The following NKAIN2 variants were observed in gnomAD, a reference collection of about 807,000 sequenced individuals.
NKAIN2 encodes the protein sodium/potassium transporting ATPase interacting 2, also known as sodium/potassium-transporting ATPase subunit beta-1-interacting protein 2.
NKAIN2 carries 14 observed loss-of-function variants against 32.6 expected under a neutral mutation model. The observed-to-expected ratio is 0.43, with a 90% CI of 0.28 to 0.67. The LOEUF (loss-of-function observed/expected upper bound fraction) is 0.67. Ranked by LOEUF, NKAIN2 falls within the 30% of genes least tolerant of loss-of-function variation. NKAIN2 has a pLI of 0.17. For missense variants in NKAIN2, 198 were observed against 258.3 expected, an observed-to-expected ratio of 0.77 and a Z score of 1.60; for synonymous variants, 80 against 87.2, an observed-to-expected ratio of 0.92 and a Z score of 0.46.
At chr6:124,123,900 GAAATCTAAGACTCGACTTTGGTT>G (rs1312796176) in intron 1 of NKAIN2, among the ~76,000 whole-genome samples, 1 of 152,086 alleles carries the variant, frequency 6.6e-6, no homozygotes, top group Admixed American at 6.6e-5. Context: ...GAGAGAGAGA[GAAATCTAAGACTCGACTTTGGTT>G]AATTGGATTG....
intron 1 of NKAIN2, among the ~76,000 whole-genome samples, chr6:124,116,127 T>C (rs1360014301): frequency 6.6e-6 from 1 of 152,102 alleles, no homozygotes; most frequent in African/African-American, 2.4e-5. Flanking sequence ...TATCAGTTTT[T>C]CAGATAAAAC....
chr6:124,454,412 A>C (rs2114630619), intron 3 of NKAIN2, among the ~76,000 whole-genome samples: 1 of 152,196 alleles, frequency 6.6e-6, no homozygotes, highest in Admixed American at 6.6e-5. Context: ...TGCAACTACT[A>C]AATTTTCCTG....
intron 1 of NKAIN2, among the ~76,000 whole-genome samples, chr6:124,033,540 AG>A (rs1289327392): frequency 6.6e-6 from 1 of 152,170 alleles, no homozygotes; most frequent in African/African-American, 2.4e-5. Flanking sequence ...AAATAATGTG[AG>A]AATTTTTTTG....
chr6:124,727,705 C>A (rs1562349104), intron 4 of NKAIN2, among the ~76,000 whole-genome samples: 1 of 149,260 alleles, frequency 6.7e-6, no homozygotes, highest in East Asian at 2.0e-4. Flanking sequence ...TCACACATAA[C>A]AATATTAACT....
rs112592389 is a variant in NKAIN2, at chr6:124,701,151, A to ACG, written c.474+42767_474+42768dup. Among the ~76,000 whole-genome samples, 316 of 115,826 alleles carry ACG rather than the reference A, an allele frequency of 2.7e-3. 1 individual carries two copies. Among genetic ancestry groups the ACG allele is most frequent in the Non-Finnish European group, 3.4e-3 (190 of 55,504 alleles). 76.0% of individuals were successfully genotyped at this position (115,826 alleles called of 152,430 possible). On this transcript the variant is annotated intron_variant, in intron 4 of 6. Transcript: ENST00000368417. ...TAAGGAGAGAGATACACACACACAC[A>ACG]CGCACACACACACACACACACACAC... is the stretch of plus-strand genomic sequence containing the variant.
At chr6:124,422,574 G>T (rs2114537653) in intron 3 of NKAIN2, among the ~76,000 whole-genome samples, 1 of 151,810 alleles carries the variant, frequency 6.6e-6, no homozygotes, top group South Asian at 2.1e-4. Flanking sequence ...ACTCAAATTT[G>T]GCTTAATAGA....
rs770126946 is a variant in NKAIN2, at chr6:123,804,153, C to T, written c.-48C>T. On this transcript the variant is annotated 5_prime_UTR_variant, in exon 1 of 7. In the 5' UTR this introduces an upstream ATG that the reference lacks. Transcript: ENST00000368417. ...CTGATTGGATAAAGTGGGGGCTCGACGGTGGCCGACGTGGGACAGTCTGGC... is the reference window on the plus strand; with the variant it reads ...CTGATTGGATAAAGTGGGGGCTCGATGGTGGCCGACGTGGGACAGTCTGGC... The T allele has an allele frequency of 1.3e-5, 20 of 1,565,232 alleles. No homozygotes were observed. Among genetic ancestry groups the T allele is most frequent in the Non-Finnish European group, 1.8e-5 (20 of 1,135,844 alleles).
chr6:123,895,203 A>G (rs946161976), intron 1 of NKAIN2, among the ~76,000 whole-genome samples: 1 of 151,648 alleles, frequency 6.6e-6, no homozygotes, highest in Non-Finnish European at 1.5e-5. Context: ...ACACAGACAC[A>G]CACACACACA....
At chr6:123,827,094 C>T (rs1195242270) in intron 1 of NKAIN2, among the ~76,000 whole-genome samples, 1 of 151,960 alleles carries the variant, frequency 6.6e-6, no homozygotes, top group African/African-American at 2.4e-5. Context: ...TAATGTTTAG[C>T]GATGTTGAAT....
intron 1 of NKAIN2, among the ~76,000 whole-genome samples, chr6:123,984,688 T>C (rs1176782316): frequency 2.0e-5 from 3 of 152,188 alleles, no homozygotes; most frequent in African/African-American, 7.2e-5. Context: ...CGTTTAGTTA[T>C]CTTTTATCAA....
At chr6:124,647,060 A>C (rs547089992) in intron 3 of NKAIN2, among the ~76,000 whole-genome samples, 27 of 152,232 alleles carry the variant, frequency 1.8e-4, no homozygotes, top group South Asian at 4.1e-4. Flanking sequence ...TAAAACCTAA[A>C]AAATACCCCT....
chr6:124,442,506 T>A (rs1775732002), intron 3 of NKAIN2, among the ~76,000 whole-genome samples: 1 of 152,098 alleles, frequency 6.6e-6, no homozygotes, highest in South Asian at 2.1e-4. Context: ...ATTGCAATAA[T>A]GGTGGATGGC....
At chr6:124,110,947 T>G (rs902323143) in intron 1 of NKAIN2, among the ~76,000 whole-genome samples, 4 of 152,134 alleles carry the variant, frequency 2.6e-5, no homozygotes, top group African/African-American at 9.7e-5. Flanking sequence ...TTTAAATATT[T>G]GGTAGAATTT....
chr6:124,794,053 G>A, intron 5 of NKAIN2, among the ~76,000 whole-genome samples: 1 of 152,190 alleles, frequency 6.6e-6, no homozygotes, highest in Middle Eastern at 3.2e-3. Flanking sequence ...ATGTTGCAAA[G>A]TTGCGCCCCA....
At chr6:124,078,422 T>G (rs893958089) in intron 1 of NKAIN2, among the ~76,000 whole-genome samples, 20 of 152,114 alleles carry the variant, frequency 1.3e-4, no homozygotes, top group Non-Finnish European at 1.0e-4. Flanking sequence ...TATTAACCCA[T>G]TGACTCTTAT....
chr6:124,170,092 T>A (rs1232847606), intron 1 of NKAIN2, among the ~76,000 whole-genome samples: 3 of 152,194 alleles, frequency 2.0e-5, no homozygotes, highest in African/African-American at 7.2e-5. Context: ...TCTTTTCTTC[T>A]TGCTGAATCT....
intron 5 of NKAIN2, among the ~76,000 whole-genome samples, chr6:124,797,189 AAAATC>A (rs1279841430): frequency 6.6e-6 from 1 of 151,516 alleles, no homozygotes; most frequent in African/African-American, 2.4e-5. Context: ...AAAAAAAAAA[AAAATC>A]ATCATGACTT....
chr6:123,934,037 C>T (rs235692), intron 1 of NKAIN2, among the ~76,000 whole-genome samples: 57,804 of 152,062 alleles, frequency 0.38, 11,917 homozygotes, highest in African/African-American at 0.53. Flanking sequence ...AGTCTCCAGC[C>T]TCAGCCTCTG....
At chr6:123,847,722 TTTTCA>T (rs1775150410) in intron 1 of NKAIN2, among the ~76,000 whole-genome samples, 1 of 152,158 alleles carries the variant, frequency 6.6e-6, no homozygotes, top group African/African-American at 2.4e-5. Context: ...TACCTAAAAC[TTTTCA>T]TTTTAATTTT....
Sources: allele counts gnomAD v4.1 joint callset (sites outside exome capture counted in the v4.1 genomes callset), GRCh38; gene constraint gnomAD v4.1.1; transcripts MANE v1.5; gene names NCBI Gene and HGNC (gene_info 2026-07-23, HGNC 2026-07-21).